ANKRD55: variants seen among roughly 807,000 people sequenced by gnomAD.
The protein encoded by ANKRD55 is ankyrin repeat domain-containing protein 55.
In ANKRD55, 41 loss-of-function variants were observed where a neutral mutation model predicts 60.6. The observed-to-expected ratio is 0.68, with a 90% CI of 0.53 to 0.88. The LOEUF is 0.88. ANKRD55 is among the 40% of genes least tolerant of loss of function. ANKRD55 has a pLI of 0.00. For missense variants in ANKRD55, 732 were observed against 767.6 expected (o/e 0.95, Z 0.55); for synonymous variants, 264 against 290.3 (o/e 0.91, Z 0.92).
intron 5 of ANKRD55, among the ~76,000 whole-genome samples, chr5:56,166,729 A>G (rs1332326753): frequency 6.6e-6 from 1 of 152,234 alleles, no homozygotes; most frequent in Non-Finnish European, 1.5e-5. Flanking sequence ...TTCTAAATAT[A>G]TAAAGAAAGA....
chr5:56,104,604 A>C (rs1401223515), intron 10 of ANKRD55, among the ~76,000 whole-genome samples: 1 of 152,192 alleles, frequency 6.6e-6, no homozygotes, highest in Admixed American at 6.6e-5. Context: ...CTAGAAAAAA[A>C]GGATAGGAAA....
chr5:56,173,603 T>C (rs1758669590), intron 4 of ANKRD55, among the ~76,000 whole-genome samples: 1 of 140,834 alleles, frequency 7.1e-6, no homozygotes, highest in African/African-American at 2.7e-5. Flanking sequence ...TATATATATA[T>C]ATATCTTGGC....
At chr5:56,137,038 A>C in intron 7 of ANKRD55, 1 of 755,678 alleles carries the variant, frequency 1.3e-6, no homozygotes, top group Non-Finnish European at 2.4e-6. Context: ...CAAGAGGTTC[A>C]AGTCTTCGTG....
intron 7 of ANKRD55, among the ~76,000 whole-genome samples, chr5:56,133,062 A>G (rs1757466845): frequency 6.6e-6 from 1 of 152,262 alleles, no homozygotes; most frequent in East Asian, 1.9e-4. Context: ...AGTCCGCTTT[A>G]TAGTTGAAGA....
At chr5:56,119,712 G>A (rs1056951548) in intron 8 of ANKRD55, among the ~76,000 whole-genome samples, 8 of 151,990 alleles carry the variant, frequency 5.3e-5, no homozygotes, top group East Asian at 1.9e-4. Context: ...TCAGGAGTTC[G>A]ACACCAGCCT....
At chr5:56,194,006 T>C (rs1481670732) in intron 2 of ANKRD55, among the ~76,000 whole-genome samples, 1 of 152,154 alleles carries the variant, frequency 6.6e-6, no homozygotes, top group African/African-American at 2.4e-5. Context: ...ATATTAGTAA[T>C]AAACAGATCT....
intron 8 of ANKRD55, among the ~76,000 whole-genome samples, chr5:56,119,909 C>A (rs919098137): frequency 6.6e-6 from 1 of 152,006 alleles, no homozygotes; most frequent in East Asian, 1.9e-4. Context: ...TGGAGCGAGA[C>A]CCTGTCTCAA....
At chr5:56,172,428 C>T (rs1758630460) in intron 4 of ANKRD55, among the ~76,000 whole-genome samples, 1 of 151,834 alleles carries the variant, frequency 6.6e-6, no homozygotes, top group Admixed American at 6.6e-5. Context: ...ACTCAGAGAC[C>T]CAAAAGAAAG....
intron 2 of ANKRD55, among the ~76,000 whole-genome samples, chr5:56,229,819 C>T (rs1200787125): frequency 6.6e-6 from 1 of 152,156 alleles, no homozygotes; most frequent in Non-Finnish European, 1.5e-5. Context: ...TCCTATTGCC[C>T]TGTTGTATGG....
chr5:56,113,699 T>C (rs1213115427), intron 9 of ANKRD55, among the ~76,000 whole-genome samples: 1 of 151,672 alleles, frequency 6.6e-6, no homozygotes, highest in Non-Finnish European at 1.5e-5. Context: ...GAGGGTGAGG[T>C]GGGGGAATGG....
intron 7 of ANKRD55, among the ~76,000 whole-genome samples, chr5:56,133,658 G>C (rs1265596455): frequency 1.8e-5 from 2 of 112,308 alleles, no homozygotes; most frequent in Non-Finnish European, 4.2e-5. Context: ...ATCAACAACA[G>C]ACAACTGGAA....
intron 2 of ANKRD55, chr5:56,193,683 T>G (rs115130951): frequency 0.13 from 28,775 of 220,568 alleles, 3,678 homozygotes; most frequent in African/African-American, 0.37. Context: ...AGCATTGCCC[T>G]GAAGAAGGAC....
chr5:56,217,665 C>T (rs113681333), intron 2 of ANKRD55, among the ~76,000 whole-genome samples: 14,978 of 152,102 alleles, frequency 0.098, 1,309 homozygotes, highest in African/African-American at 0.24. Flanking sequence ...GAGGCCAAGG[C>T]GGGTGTATCA....
intron 8 of ANKRD55, 60 bp from the exon 9 acceptor site, chr5:56,116,842 T>TAGCCAGCAACAGCTCCTGCTC: frequency 9.0e-6 from 13 of 1,445,970 alleles, no homozygotes; most frequent in Non-Finnish European, 1.0e-5. Flanking sequence ...TCAGGCTGCT[T>TAGCCAGCAACAGCTCCTGCTC]AGCCAGCAAC....
At chr5:56,126,794 A>G (rs1757272356) in intron 8 of ANKRD55, 128 bp downstream of exon 8, 6 of 1,020,004 alleles carry the variant, frequency 5.9e-6, no homozygotes, top group Non-Finnish European at 8.2e-6. Context: ...TATTGTCACA[A>G]GCCCATGTGT....
intron 2 of ANKRD55, among the ~76,000 whole-genome samples, chr5:56,225,922 A>G (rs1420562494): frequency 6.6e-6 from 1 of 152,234 alleles, no homozygotes; most frequent in Non-Finnish European, 1.5e-5. Flanking sequence ...TAATTTATAG[A>G]TTCAATGCCA....
intron 10 of ANKRD55, among the ~76,000 whole-genome samples, chr5:56,107,516 T>G (rs1297188115): frequency 6.6e-6 from 1 of 152,066 alleles, no homozygotes; most frequent in African/African-American, 2.4e-5. Flanking sequence ...ATCTAATATC[T>G]CCTCCCTCAC....
At chr5:56,109,381 A>G (rs762389407) in intron 10 of ANKRD55, among the ~76,000 whole-genome samples, 7 of 152,286 alleles carry the variant, frequency 4.6e-5, no homozygotes, top group Non-Finnish European at 8.8e-5. Flanking sequence ...TTTCGAGAGA[A>G]GCTAGAATTC....
At chr5:56,116,869 C>A in intron 8 of ANKRD55, 87 bp from the exon 9 acceptor site, 1 of 1,372,692 alleles carries the variant, frequency 7.3e-7, no homozygotes, top group South Asian at 1.6e-5. Context: ...TGCTCAAAGT[C>A]AGGTTGAGGT....
Sources: allele counts gnomAD v4.1 joint callset (sites outside exome capture counted in the v4.1 genomes callset), GRCh38; gene constraint gnomAD v4.1.1; transcripts MANE v1.5; gene names NCBI Gene and HGNC (gene_info 2026-07-23, HGNC 2026-07-21).